Variants in SYCP2L observed in about 807,000 individuals in gnomAD.
SYCP2L encodes synaptonemal complex protein 2-like.
SYCP2L carries 98 observed loss-of-function variants against 125.8 expected under a neutral mutation model. That is an observed-to-expected ratio of 0.78 (90% CI 0.66 to 0.92). The LOEUF (loss-of-function observed/expected upper bound fraction) is 0.92, where lower values mean the gene tolerates loss of function less well. Among genes scored for constraint, SYCP2L ranks in the 40% least tolerant of loss-of-function variants. SYCP2L has a pLI of 0.00. For synonymous variants in SYCP2L, 317 were observed against 325.4 expected (o/e 0.97, Z 0.28); for missense variants, 842 against 936.4 (o/e 0.90, Z 1.32).
chr6:10,962,222 T>C (rs2113420532), intron 28 of SYCP2L, among the ~76,000 whole-genome samples: 1 of 149,134 alleles, frequency 6.7e-6, no homozygotes, highest in South Asian at 2.1e-4. Context: ...AATCAGCTGC[T>C]TTCACAGAAA....
At chr6:10,970,733 A>T (rs1169563098) in intron 29 of SYCP2L, among the ~76,000 whole-genome samples, 1 of 152,218 alleles carries the variant, frequency 6.6e-6, no homozygotes, top group Non-Finnish European at 1.5e-5. Flanking sequence ...TGATTTCAGC[A>T]TCTGAATGGC....
chr6:10,956,281 A>G (rs1335492773), intron 25 of SYCP2L, 39 bp downstream of exon 25: 4 of 1,411,500 alleles, frequency 2.8e-6, no homozygotes, highest in Non-Finnish European at 1.0e-6. Flanking sequence ...GAGCGTTATG[A>G]ATCTGGAGGA....
At chr6:10,938,714 A>G (rs1404371214) in intron 21 of SYCP2L, among the ~76,000 whole-genome samples, 1 of 152,262 alleles carries the variant, frequency 6.6e-6, no homozygotes, top group Admixed American at 6.5e-5. Context: ...GTTGCAGGAT[A>G]CAAAATCAAC....
At chr6:10,888,244 G>A (rs376983200) in intron 1 of SYCP2L, among the ~76,000 whole-genome samples, 47 of 151,640 alleles carry the variant, frequency 3.1e-4, no homozygotes, top group Admixed American at 2.8e-3. Flanking sequence ...CTACAGGCGC[G>A]CGCCACCACG....
chr6:10,920,643 A>T (rs1050737245), intron 14 of SYCP2L, among the ~76,000 whole-genome samples: 3 of 152,116 alleles, frequency 2.0e-5, no homozygotes, highest in Admixed American at 2.0e-4. Context: ...TTTTAAGTTC[A>T]TGGGTACATG....
At chr6:10,925,702 T>G (rs183483101) in intron 15 of SYCP2L, among the ~76,000 whole-genome samples, 2 of 152,250 alleles carry the variant, frequency 1.3e-5, no homozygotes, top group East Asian at 3.9e-4. Context: ...CTCACCTTAT[T>G]TTAATGACAT....
At chr6:10,932,659 A>C (rs1365430344) in intron 20 of SYCP2L, among the ~76,000 whole-genome samples, 1 of 152,232 alleles carries the variant, frequency 6.6e-6, no homozygotes, top group Non-Finnish European at 1.5e-5. Context: ...GTTCAACCTG[A>C]AATAATGAGT....
chr6:10,891,441 T>TTGGG, intron 1 of SYCP2L, 72 bp from the exon 2 acceptor site: 2 of 884,572 alleles, frequency 2.3e-6, no homozygotes, highest in Non-Finnish European at 3.4e-6. Context: ...TTTTTTTTGC[T>TTGGG]TTGTGTTTAA....
chr6:10,930,896 T>C (rs1401065532), intron 19 of SYCP2L, among the ~76,000 whole-genome samples: 1 of 152,164 alleles, frequency 6.6e-6, no homozygotes, highest in Non-Finnish European at 1.5e-5. Flanking sequence ...TACAAGGGCA[T>C]GCATGGTGGC....
intron 4 of SYCP2L, among the ~76,000 whole-genome samples, chr6:10,896,889 G>T (rs2113291489): frequency 6.6e-6 from 1 of 152,288 alleles, no homozygotes; most frequent in South Asian, 2.1e-4. Context: ...TTGAAAACTG[G>T]TTTTATCTTC....
chr6:10,950,890 G>C (rs1189528098), intron 23 of SYCP2L, among the ~76,000 whole-genome samples: 1 of 152,030 alleles, frequency 6.6e-6, no homozygotes, highest in Non-Finnish European at 1.5e-5. Context: ...TGAACTCTTG[G>C]ACTCAAGCAA....
intron 20 of SYCP2L, 49 bp downstream of exon 20, chr6:10,931,538 AT>A: frequency 6.5e-7 from 1 of 1,544,704 alleles, no homozygotes. Flanking sequence ...GTTAAACTGC[AT>A]TTATTTCTCC....
At chr6:10,919,325 C>T (rs548926680) in intron 14 of SYCP2L, among the ~76,000 whole-genome samples, 29 of 152,216 alleles carry the variant, frequency 1.9e-4, no homozygotes, top group Admixed American at 4.6e-4. Flanking sequence ...AGAGCCGAGC[C>T]GTAGGGACTA....
chr6:10,897,866 C>A, intron 4 of SYCP2L, 145 bp from the exon 5 acceptor site: 1 of 618,014 alleles, frequency 1.6e-6, no homozygotes. Context: ...GGTGGGAGGC[C>A]TCAGAGCCAG....
At chr6:10,905,525 C>G in intron 8 of SYCP2L, among the ~76,000 whole-genome samples, 1 of 152,162 alleles carries the variant, frequency 6.6e-6, no homozygotes, top group East Asian at 1.9e-4. Context: ...CTCCGAACCT[C>G]AGGTGATCTG....
At chr6:10,923,831 C>A (rs1780847736) in intron 14 of SYCP2L, among the ~76,000 whole-genome samples, 3 of 151,504 alleles carry the variant, frequency 2.0e-5, no homozygotes, top group Non-Finnish European at 4.4e-5. Flanking sequence ...CTAGAAGCAC[C>A]CACCACCACG....
chr6:10,951,427 GAAAC>G (rs113591836), intron 23 of SYCP2L, among the ~76,000 whole-genome samples: 5 of 152,152 alleles, frequency 3.3e-5, no homozygotes, highest in African/African-American at 9.6e-5. Context: ...TGTCTCAAAA[GAAAC>G]AAACAAAAAG....
At chr6:10,888,987 G>A (rs992517974) in intron 1 of SYCP2L, among the ~76,000 whole-genome samples, 2 of 151,992 alleles carry the variant, frequency 1.3e-5, no homozygotes, top group African/African-American at 4.8e-5. Flanking sequence ...TCAGCCTCAC[G>A]AGTAGCTGGG....
At chr6:10,950,728 C>T (rs1315988355) in intron 23 of SYCP2L, among the ~76,000 whole-genome samples, 6 of 152,076 alleles carry the variant, frequency 3.9e-5, no homozygotes, top group Admixed American at 3.3e-4. Context: ...TGTGCAATTT[C>T]GGGTCACTGC....
Sources: gnomAD v4.1 joint callset for allele counts (sites outside exome capture counted in the v4.1 genomes callset) on GRCh38, gnomAD v4.1.1 for gene constraint, MANE v1.5 for transcripts, NCBI Gene and HGNC (gene_info 2026-07-23, HGNC 2026-07-21) for gene names.